The following DAB1 variants were observed in gnomAD, a reference collection of about 807,000 sequenced individuals.
The protein encoded by DAB1 is DAB adaptor protein 1.
A neutral mutation model predicts 64.6 loss-of-function variants in DAB1; 15 were observed. The ratio of observed to expected loss-of-function variants is 0.23; its 90% CI spans 0.16 to 0.36. The LOEUF (loss-of-function observed/expected upper bound fraction) is 0.36, where lower values mean the gene tolerates loss of function less well. Among genes scored for constraint, DAB1 ranks in the 10% least tolerant of loss-of-function variants. The pLI is 1.00. For synonymous variants in DAB1, 235 were observed against 251.9 expected (o/e 0.93, Z 0.64); for missense variants, 596 against 706.7 (o/e 0.84, Z 1.78).
intron 4 of DAB1, among the ~76,000 whole-genome samples, chr1:58,291,147 G>A (rs1462886280): frequency 6.6e-6 from 1 of 152,182 alleles, no homozygotes; most frequent in Admixed American, 6.5e-5. Flanking sequence ...TACAGATGCT[G>A]TAATCATACA....
At chr1:58,052,300 G>A (rs2100530737) in intron 5 of DAB1, among the ~76,000 whole-genome samples, 1 of 152,260 alleles carries the variant, frequency 6.6e-6, no homozygotes, top group South Asian at 2.1e-4. Flanking sequence ...ACTAAATAGG[G>A]AATCCTTTCC....
intron 1 of DAB1, among the ~76,000 whole-genome samples, chr1:58,537,599 T>C (rs1569975997): frequency 6.6e-6 from 1 of 152,336 alleles, no homozygotes; most frequent in Middle Eastern, 3.4e-3. Context: ...TTTTCAATAC[T>C]GGGACAAAAA....
At chr1:57,955,923 G>C (rs937860651) in intron 5 of DAB1, among the ~76,000 whole-genome samples, 3 of 152,154 alleles carry the variant, frequency 2.0e-5, no homozygotes, top group Non-Finnish European at 2.9e-5. Context: ...AATGCACAAG[G>C]TTTGGTGGGT....
chr1:57,515,987 G>A lies in DAB1; in HGVS notation n.625+133605C>T, dbSNP rs192217639. On this transcript the variant is annotated intron_variant and non_coding_transcript_variant, in intron 7 of 20. Coordinates refer to the DAB1 transcript ENST00000485760. ...AGCAAGACAAGCCAAGGCCTGTAGC[G>A]AAATGCTAGGACTTAGAGTTGAATA... is the stretch of plus-strand genomic sequence containing the variant. Among the ~76,000 whole-genome samples, 199 of 152,318 alleles carry A rather than the reference G, an allele frequency of 1.3e-3. 1 individual carries two copies. Among genetic ancestry groups the A allele is most frequent in the African/African-American group, 4.6e-3 (190 of 41,568 alleles).
intron 7 of DAB1, among the ~76,000 whole-genome samples, chr1:57,583,744 C>T (rs1342972978): frequency 1.3e-5 from 2 of 152,134 alleles, no homozygotes; most frequent in East Asian, 3.9e-4. Context: ...AAATTTCTTC[C>T]AATTGCCCTC....
intron 5 of DAB1, chr1:58,074,300 G>A (rs1275151205): frequency 6.6e-6 from 1 of 151,780 alleles, no homozygotes; most frequent in African/African-American, 2.4e-5. Context: ...TAGAGCAGAG[G>A]AGAGCTACTC....
In DAB1 at chr1:58,372,451, G is replaced by A. The variant is rs151111557; in HGVS notation, n.258-29048C>T. Among the ~76,000 whole-genome samples the A allele has an allele frequency of 2.1e-4, 32 of 152,282 alleles. 1 individual carries two copies. In the East Asian group the frequency reaches 5.6e-3, roughly 27 times the overall value. On this transcript the variant is annotated intron_variant and non_coding_transcript_variant, in intron 3 of 20. Coordinates refer to the DAB1 transcript ENST00000485760. Reference sequence around the variant, plus strand: ...CTTTTGATTTTACAGGCTCAGAGGTGGAAGGGACTTGCCTTGTCTCAGATG... The same window carrying A: ...CTTTTGATTTTACAGGCTCAGAGGTAGAAGGGACTTGCCTTGTCTCAGATG...
chr1:57,183,999 AT>A (rs1235604500), intron 2 of DAB1, among the ~76,000 whole-genome samples: 6 of 152,090 alleles, frequency 3.9e-5, no homozygotes, highest in African/African-American at 1.4e-4. Flanking sequence ...TAACAGATCA[AT>A]TTTTCTAACT....
At chr1:57,057,812 A>G (rs4912425) in intron 9 of DAB1, among the ~76,000 whole-genome samples, 119,296 of 151,318 alleles carry the variant, frequency 0.79, 47,154 homozygotes, top group Middle Eastern at 0.87. Flanking sequence ...GTTTCACTGT[A>G]TTAGCCAGGA....
At chr1:57,682,623 G>A (rs1253525514) in intron 6 of DAB1, among the ~76,000 whole-genome samples, 1 of 151,982 alleles carries the variant, frequency 6.6e-6, no homozygotes, top group African/African-American at 2.4e-5. Flanking sequence ...AGACCACTGG[G>A]ATTCTAGACA....
intron 6 of DAB1, among the ~76,000 whole-genome samples, chr1:57,682,864 G>A (rs1338255984): frequency 1.3e-5 from 2 of 152,166 alleles, no homozygotes; most frequent in African/African-American, 2.4e-5. Flanking sequence ...TAGCTTTCCT[G>A]CAGGACTGGG....
intron 6 of DAB1, among the ~76,000 whole-genome samples, chr1:57,697,188 T>C (rs1203118894): frequency 6.6e-6 from 1 of 152,082 alleles, no homozygotes; most frequent in Non-Finnish European, 1.5e-5. Context: ...TGGCATATAA[T>C]AGATATCTAA....
intron 4 of DAB1, among the ~76,000 whole-genome samples, chr1:58,234,456 C>A (rs145751163): frequency 2.0e-5 from 3 of 152,144 alleles, no homozygotes. Flanking sequence ...AACAGCCATG[C>A]GGGGCAGAAA....
intron 1 of DAB1, among the ~76,000 whole-genome samples, chr1:57,301,411 G>A (rs1021275334): frequency 5.3e-5 from 8 of 152,156 alleles, no homozygotes; most frequent in Admixed American, 1.3e-4. Flanking sequence ...ATACCAGCCA[G>A]GTGAGGGGAG....
chr1:57,360,138 C>G (rs1476803620), intron 1 of DAB1, among the ~76,000 whole-genome samples: 1 of 152,002 alleles, frequency 6.6e-6, no homozygotes, highest in African/African-American at 2.4e-5. Flanking sequence ...ATTAGCTAGA[C>G]TTAACAATTT....
At chr1:57,865,247 C>T (rs904808084) in intron 1 of DAB1, among the ~76,000 whole-genome samples, 2 of 152,200 alleles carry the variant, frequency 1.3e-5, no homozygotes, top group Non-Finnish European at 2.9e-5. Context: ...AATAAATAAT[C>T]ATGTGCATGC....
chr1:57,915,045 G>A (rs1017996788), intron 5 of DAB1, among the ~76,000 whole-genome samples: 5 of 150,868 alleles, frequency 3.3e-5, no homozygotes, highest in South Asian at 2.1e-4. Flanking sequence ...AAGCCGAAGC[G>A]AGGGCAATTA....
intron 3 of DAB1, among the ~76,000 whole-genome samples, chr1:57,144,957 C>T (rs1233848430): frequency 6.6e-6 from 1 of 152,026 alleles, no homozygotes; most frequent in African/African-American, 2.4e-5. Context: ...AACAAGATGG[C>T]AAAATTCATA....
chr1:57,766,316 A>G (rs1379349100), intron 6 of DAB1, among the ~76,000 whole-genome samples: 2 of 151,912 alleles, frequency 1.3e-5, no homozygotes, highest in East Asian at 3.9e-4. Context: ...TAAGGCAGAA[A>G]AAAATCAGTC....
Sources: gnomAD v4.1 joint callset for allele counts (sites outside exome capture counted in the v4.1 genomes callset) on GRCh38, gnomAD v4.1.1 for gene constraint, MANE v1.5 for transcripts, NCBI Gene and HGNC (gene_info 2026-07-23, HGNC 2026-07-21) for gene names.